FOXP1: variants seen among roughly 807,000 people sequenced by gnomAD.
FOXP1 encodes forkhead box protein P1.
Under a neutral mutation model 98.2 loss-of-function variants are expected in FOXP1, and 15 were observed. The observed-to-expected ratio is 0.15, with a 90% CI of 0.10 to 0.24. FOXP1 has a LOEUF of 0.24. Among genes scored for constraint, FOXP1 ranks in the 10% least tolerant of loss-of-function variants. FOXP1 has a pLI of 1.00. For synonymous variants in FOXP1, 371 were observed against 314.5 expected, an observed-to-expected ratio of 1.18 and a Z score of -1.90; for missense variants, 633 against 848.5, an observed-to-expected ratio of 0.75 and a Z score of 3.15.
chr3:71,445,996 T>A (rs2086380324), intron 3 of FOXP1, among the ~76,000 whole-genome samples: 1 of 152,190 alleles, frequency 6.6e-6, no homozygotes, highest in Non-Finnish European at 1.5e-5. Flanking sequence ...CCTATGTGTG[T>A]CTTTTAACAC....
intron 6 of FOXP1, among the ~76,000 whole-genome samples, chr3:71,174,209 T>C (rs1006350325): frequency 2.0e-5 from 3 of 152,216 alleles, no homozygotes; most frequent in African/African-American, 2.4e-5. Flanking sequence ...ATTTAGAGTT[T>C]ACAGATCCTT....
chr3:71,152,517 T>C (rs1364141242), intron 6 of FOXP1, among the ~76,000 whole-genome samples: 2 of 152,150 alleles, frequency 1.3e-5, no homozygotes, highest in Non-Finnish European at 2.9e-5. Context: ...CCCCCAGAGG[T>C]GGGCTGAGCC....
Position 71,041,433 on chromosome 3 carries a change from G to A in FOXP1, c.764C>T (p.Thr255Ile). The A allele has an allele frequency of 6.2e-7, 1 of 1,613,880 alleles. No homozygotes were observed. Among genetic ancestry groups the A allele is most frequent in the Non-Finnish European group, 8.5e-7 (1 of 1,179,834 alleles). ...TGNNHSSLDL[T>I]TTCVSSSAPS... Reference sequence around the variant, plus strand: ...TGCAGAGGAGGAGACACATGTCGTGGTCAGATCCAAACTGCTGTGATTGTT... The same window carrying A: ...TGCAGAGGAGGAGACACATGTCGTGATCAGATCCAAACTGCTGTGATTGTT... Residue 255 changes from threonine (T) to isoleucine (I), a missense_variant, in exon 11 of 21, where the codon ACC becomes ATC. Around this residue, in one of 6 missense-constraint regions of FOXP1, gnomAD observed 210 missense variants for 270.6 expected, o/e 0.78. Transcript: ENST00000649528.
chr3:71,527,893 T>C (rs1303747187), intron 2 of FOXP1, among the ~76,000 whole-genome samples: 3 of 152,250 alleles, frequency 2.0e-5, no homozygotes, highest in Non-Finnish European at 4.4e-5. Flanking sequence ...ACTGGTTTCC[T>C]TTTAAATTAC....
chr3:71,064,507 AC>A (rs1156315103), intron 7 of FOXP1, among the ~76,000 whole-genome samples: 1 of 148,124 alleles, frequency 6.8e-6, no homozygotes, highest in Non-Finnish European at 1.5e-5. Flanking sequence ...TCTCAACTAC[AC>A]CCCACCCATG....
chr3:71,114,753 G>A (rs2058227093), intron 6 of FOXP1, among the ~76,000 whole-genome samples: 1 of 152,214 alleles, frequency 6.6e-6, no homozygotes, highest in Non-Finnish European at 1.5e-5. Flanking sequence ...AAAAGGGGCT[G>A]TCTGAGTGGG....
chr3:71,495,679 G>A (rs966960061), intron 2 of FOXP1, among the ~76,000 whole-genome samples: 1 of 152,170 alleles, frequency 6.6e-6, no homozygotes, highest in Non-Finnish European at 1.5e-5. Context: ...TAAGAAAACT[G>A]AGGCACAGGG....
In FOXP1 at chr3:71,148,352, G is replaced by A. The variant is rs1576034737; in HGVS notation, c.181-35715C>T. 3.3e-5 allele frequency among the ~76,000 whole-genome samples: 5 copies of A among 152,096 alleles called. No homozygotes were observed. In the South Asian group the frequency reaches 6.2e-4, roughly 19 times the overall value. ...AGATCATGCCATTCATTGCACTCCA[G>A]CCTGGGCAACAGAACGAGACTCGGT... On this transcript the variant is annotated intron_variant, in intron 6 of 20. Transcript: ENST00000649528.
chr3:71,548,976 T>C (rs192726495), intron 2 of FOXP1, among the ~76,000 whole-genome samples: 169 of 152,254 alleles, frequency 1.1e-3, no homozygotes, highest in Middle Eastern at 3.4e-3. Context: ...AAATAACATA[T>C]CCAAGGTTAA....
chr3:71,558,873 G>A (rs1240076698), intron 2 of FOXP1, among the ~76,000 whole-genome samples: 3 of 148,684 alleles, frequency 2.0e-5, no homozygotes, highest in Admixed American at 1.3e-4. Flanking sequence ...TGCGATCTTG[G>A]CTCACTGCAA....
chr3:70,981,777 T>C (rs988152509), intron 14 of FOXP1, among the ~76,000 whole-genome samples: 8 of 152,214 alleles, frequency 5.3e-5, no homozygotes, highest in Non-Finnish European at 7.3e-5. Context: ...TGCTATTAAT[T>C]TGCAGGAAAA....
intron 4 of FOXP1, among the ~76,000 whole-genome samples, chr3:71,350,196 A>G (rs1463394848): frequency 1.3e-5 from 2 of 152,202 alleles, no homozygotes; most frequent in Admixed American, 6.5e-5. Context: ...TGACTGGGCT[A>G]AGCTACTTTA....
intron 5 of FOXP1, among the ~76,000 whole-genome samples, chr3:71,273,365 G>A (rs993645140): frequency 6.6e-6 from 1 of 152,102 alleles, no homozygotes; most frequent in African/African-American, 2.4e-5. Context: ...CACTGTAACC[G>A]AATTGGACTC....
At position 70,978,042 on chromosome 3, in the gene FOXP1, A is replaced by G. The variant is rs1559621971; in HGVS notation, c.1147-13T>C. The G allele has an allele frequency of 4.3e-6, 7 of 1,612,786 alleles. No individual in the cohort carries two copies. The Admixed American group carries it at 5.0e-5, about 12-fold the overall frequency. ...ATACCAGATTCAACTGCAAGGAAAA[A>G]AACAACGTCTTAGAAGACCTTCAGA... is the stretch of plus-strand genomic sequence containing the variant. On this transcript the variant is annotated splice_polypyrimidine_tract_variant and intron_variant, in intron 14 of 20. Coordinates refer to ENST00000649528, the MANE Select transcript of FOXP1 (RefSeq NM_001349338.3).
chr3:71,540,677 G>T (rs2044732327), intron 2 of FOXP1, among the ~76,000 whole-genome samples: 1 of 152,128 alleles, frequency 6.6e-6, no homozygotes, highest in Non-Finnish European at 1.5e-5. Flanking sequence ...AGATGTCAGG[G>T]TAATTCACCT....
At chr3:71,433,478 C>T (rs978172867) in intron 3 of FOXP1, among the ~76,000 whole-genome samples, 4 of 152,172 alleles carry the variant, frequency 2.6e-5, no homozygotes, top group African/African-American at 9.7e-5. Context: ...CATGCAAAGG[C>T]TTCCAATACA....
intron 7 of FOXP1, among the ~76,000 whole-genome samples, chr3:71,085,406 T>A (rs996806208): frequency 6.6e-6 from 1 of 152,180 alleles, no homozygotes; most frequent in Non-Finnish European, 1.5e-5. Context: ...TGCCTTGGCC[T>A]CCCAAAGTGC....
intron 7 of FOXP1, among the ~76,000 whole-genome samples, chr3:71,099,369 G>A (rs963469507): frequency 2.0e-5 from 3 of 152,132 alleles, no homozygotes; most frequent in Non-Finnish European, 2.9e-5. Context: ...AAAATTGGCT[G>A]GGCGTGGTGG....
At chr3:71,571,274 T>C (rs2107805132) in intron 2 of FOXP1, 1 of 152,280 alleles carries the variant, frequency 6.6e-6, no homozygotes, top group South Asian at 2.1e-4. Context: ...TATGATCTTA[T>C]TTGATATGAA....
Sources: gnomAD v4.1 joint callset for allele counts (sites outside exome capture counted in the v4.1 genomes callset) on GRCh38, gnomAD v4.1.1 for gene constraint, gnomAD v4.1.1 regional missense constraint, MANE v1.5 for transcripts, NCBI Gene and HGNC (gene_info 2026-07-23, HGNC 2026-07-21) for gene names.